Variants in TRIO observed in about 807,000 individuals in gnomAD.
TRIO encodes triple functional domain protein.
In TRIO, 58 loss-of-function variants were observed where a neutral mutation model predicts 351.9. The observed-to-expected ratio is 0.16, with a 90% CI of 0.13 to 0.21. The LOEUF is 0.21. Ranked by LOEUF, TRIO falls within the 10% of genes least tolerant of loss-of-function variation. TRIO has a pLI of 1.00. For synonymous variants in TRIO, 1,758 were observed against 1,595.7 expected (o/e 1.10, Z -2.42); for missense variants, 3,201 against 4,027.8 (o/e 0.79, Z 5.56).
intron 34 of TRIO, among the ~76,000 whole-genome samples, chr5:14,424,052 A>C (rs1750415452): frequency 2.0e-5 from 3 of 151,958 alleles, no homozygotes; most frequent in South Asian, 2.1e-4. Context: ...CTAAAAAATA[A>C]ATAAATAAAT....
chr5:14,414,272 C>G (rs1273586007), intron 33 of TRIO, among the ~76,000 whole-genome samples: 1 of 152,240 alleles, frequency 6.6e-6, no homozygotes, highest in South Asian at 2.1e-4. Context: ...CTGGGATATG[C>G]TAAAAGCAAG....
rs531973648 is a variant in TRIO at position 14,232,626 on chromosome 5, G to A, written c.158-38199G>A. On this transcript the variant is annotated intron_variant, in intron 1 of 56. Coordinates refer to ENST00000344204, the MANE Select transcript of TRIO (RefSeq NM_007118.4). ...GGATGTTCATACTTTTGTCCACCAT[G>A]TTTTATGCTAAATACACACAGAGTA... is the stretch of plus-strand genomic sequence containing the variant. Among the ~76,000 whole-genome samples, 3 of 152,276 alleles carry A rather than the reference G, an allele frequency of 2.0e-5. No individual in the cohort carries two copies. In the East Asian group the frequency reaches 5.8e-4, roughly 29 times the overall value.
intron 11 of TRIO, among the ~76,000 whole-genome samples, chr5:14,348,960 ATG>A (rs551286985): frequency 1.1e-3 from 155 of 142,380 alleles, no homozygotes; most frequent in Middle Eastern, 4.5e-3. Flanking sequence ...ACACGTGAGC[ATG>A]TGTGTTTTTC....
chr5:14,428,117 A>G (rs1029911381), intron 34 of TRIO, among the ~76,000 whole-genome samples: 1 of 152,178 alleles, frequency 6.6e-6, no homozygotes, highest in Non-Finnish European at 1.5e-5. Context: ...GGTGAATCTG[A>G]GTCTCCTCAG....
At chr5:14,177,205 AT>A (rs1789458933) in intron 1 of TRIO, among the ~76,000 whole-genome samples, 1 of 152,176 alleles carries the variant, frequency 6.6e-6, no homozygotes, top group African/African-American at 2.4e-5. Flanking sequence ...ATTATTATTT[AT>A]GTTATATACG....
intron 1 of TRIO, among the ~76,000 whole-genome samples, chr5:14,164,081 A>C (rs545655829): frequency 6.6e-6 from 1 of 152,340 alleles, no homozygotes; most frequent in African/African-American, 2.4e-5. Flanking sequence ...GATGCCACTC[A>C]GCAGTGGGAC....
intron 1 of TRIO, among the ~76,000 whole-genome samples, chr5:14,255,356 T>A (rs1262844912): frequency 6.6e-6 from 1 of 152,190 alleles, no homozygotes; most frequent in Non-Finnish European, 1.5e-5. Flanking sequence ...GCAGCATTAT[T>A]TGTAATAGCA....
At chr5:14,371,185 T>G (rs1303914709) in intron 18 of TRIO, among the ~76,000 whole-genome samples, 1 of 152,224 alleles carries the variant, frequency 6.6e-6, no homozygotes, top group African/African-American at 2.4e-5. Context: ...TAAGTTAAAC[T>G]GTGATGTTGA....
At chr5:14,233,503 A>G (rs1172910135) in intron 1 of TRIO, among the ~76,000 whole-genome samples, 1 of 151,818 alleles carries the variant, frequency 6.6e-6, no homozygotes, top group Non-Finnish European at 1.5e-5. Flanking sequence ...AGAAAAAAAA[A>G]GGAATCATGT....
At chr5:14,418,070 C>G (rs1440549438) in intron 33 of TRIO, among the ~76,000 whole-genome samples, 1 of 152,192 alleles carries the variant, frequency 6.6e-6, no homozygotes, top group African/African-American at 2.4e-5. Context: ...ACGTGTAACT[C>G]CAGCTGTGGC....
At chr5:14,255,702 A>G (rs543848588) in intron 1 of TRIO, among the ~76,000 whole-genome samples, 2 of 152,386 alleles carry the variant, frequency 1.3e-5, no homozygotes, top group South Asian at 2.1e-4. Flanking sequence ...CCTTATACAC[A>G]TAACCTGAAG....
chr5:14,479,146 C>A, intron 41 of TRIO, 115 bp from the exon 42 acceptor site: 1 of 826,154 alleles, frequency 1.2e-6, no homozygotes, highest in Admixed American at 2.0e-5. Context: ...CTTAGCTGTG[C>A]AGCTTGGTTT....
intron 37 of TRIO, among the ~76,000 whole-genome samples, chr5:14,470,073 T>C (rs1252542205): frequency 6.6e-6 from 1 of 152,216 alleles, no homozygotes; most frequent in Non-Finnish European, 1.5e-5. Context: ...TAAAGCTCAA[T>C]GGCTATTTAT....
At chr5:14,289,557 A>T (rs74686370) in intron 4 of TRIO, among the ~76,000 whole-genome samples, 1,796 of 150,622 alleles carry the variant, frequency 0.012, 35 homozygotes, top group African/African-American at 0.04. Flanking sequence ...TTCCTTTTTT[A>T]AAAAAAAAGG....
intron 40 of TRIO, among the ~76,000 whole-genome samples, chr5:14,475,249 G>A (rs1754974998): frequency 6.6e-6 from 1 of 152,090 alleles, no homozygotes. Flanking sequence ...CGGTTACCTG[G>A]CCGGGCCTTC....
Position 14,286,922 on chromosome 5 carries a change from C to G in TRIO, c.399C>G (p.Ser133=). ...GFTVIVDMRG[S]KWDSIKPLLK... is the part of the protein sequence containing the mutation. ...CGGTGATCGTGGACATGCGTGGGTC[C>G]AAGTGGGACTCCATCAAGCCCCTTC... Residue 133 remains serine, a synonymous_variant, in exon 4 of 57, where the codon TCC becomes TCG. Coordinates refer to ENST00000344204, the MANE Select transcript of TRIO (RefSeq NM_007118.4). The surrounding 1 kb of genome is among the most constrained non-coding windows in gnomAD (Gnocchi z 4.4). The G allele has an allele frequency of 6.2e-7, 1 of 1,614,118 alleles. No homozygotes were observed. The highest frequency in any genetic ancestry group is 8.5e-7 in the Non-Finnish European group (1 of 1,179,980).
intron 1 of TRIO, 119 bp from the exon 2 acceptor site, chr5:14,270,706 T>C: frequency 1.3e-6 from 1 of 743,428 alleles, no homozygotes; most frequent in Non-Finnish European, 2.3e-6. Flanking sequence ...TGATCATGTT[T>C]CTTAAGTTGA....
intron 1 of TRIO, among the ~76,000 whole-genome samples, chr5:14,210,614 G>A (rs1384891036): frequency 6.6e-6 from 1 of 151,860 alleles, no homozygotes; most frequent in South Asian, 2.1e-4. Flanking sequence ...TGTTGTTGTT[G>A]TTGTTGTCGT....
chr5:14,190,345 TCAGA>T (rs1157554614), intron 1 of TRIO, among the ~76,000 whole-genome samples: 1 of 151,948 alleles, frequency 6.6e-6, no homozygotes, highest in East Asian at 1.9e-4. Flanking sequence ...AACAGCAAAC[TCAGA>T]CAATCTGAAA....
Sources: gnomAD v4.1 joint callset for allele counts (sites outside exome capture counted in the v4.1 genomes callset) on GRCh38, gnomAD v4.1.1 for gene constraint, Gnocchi (gnomAD v3.1) non-coding constraint, MANE v1.5 for transcripts, NCBI Gene and HGNC (gene_info 2026-07-23, HGNC 2026-07-21) for gene names.